Variants in MORN3 observed in about 807,000 individuals in gnomAD.
MORN3 encodes the protein MORN repeat-containing protein 3.
A neutral mutation model predicts 34.7 loss-of-function variants in MORN3; 38 were observed. The observed-to-expected ratio is 1.10, with a 90% confidence interval of 0.85 to 1.44. The LOEUF (loss-of-function observed/expected upper bound fraction) is 1.44. Among genes scored for constraint, MORN3 ranks in the 40% most tolerant of loss-of-function variants. MORN3 has a pLI of 0.00. For missense variants in MORN3, 311 were observed against 321.7 expected (o/e 0.97, Z 0.25); for synonymous variants, 109 against 115.3 (o/e 0.95, Z 0.35).
Position 121,659,287 on chromosome 12 carries a change from C to T in MORN3, c.207G>A (p.Gly69=). 2 of 1,614,098 alleles carry T rather than the reference C, an allele frequency of 1.2e-6. No individual in the cohort carries two copies. The highest frequency in any genetic ancestry group is 1.6e-4 in the Middle Eastern group (1 of 6,062). ...GAIYEGDWKF[G]KRDGYGTLSL... is the part of the protein sequence containing the mutation. The stretch of plus-strand genomic sequence containing the variant: ...TGAGGGTGCCGTAGCCGTCTCGCTT[C>T]CCAAACTTCCAGTCCCCCTCATAGA... Residue 69 remains glycine (G), a synonymous_variant, in exon 2 of 6, where the codon GGG becomes GGA. Transcript: ENST00000355329.
At position 121,659,221 on chromosome 12, in the gene MORN3, G is replaced by A. The variant is rs1330882611; in HGVS notation, c.273C>T (p.Tyr91=). The change falls in exon 2 of 6, where the codon TAC becomes TAT. Residue 91 remains tyrosine, a synonymous_variant. Transcript: ENST00000355329. ...DQQTGKCRRV[Y]SGWWKGDKKS... ...TCTTATCACCTTTCCACCAGCCTGA[G>A]TAGACTCTCCTGCACTTTCCTGTCT... The A allele has an allele frequency of 1.2e-6, 2 of 1,613,736 alleles. No homozygotes were observed. The highest frequency in any genetic ancestry group is 1.7e-6 in the Non-Finnish European group (2 of 1,179,964).
At chr12:121,670,755 G>A (rs1387828639), upstream of MORN3, among the ~76,000 whole-genome samples, 1 of 151,556 alleles carries the variant, frequency 6.6e-6, no homozygotes, top group Non-Finnish European at 1.5e-5. Flanking sequence ...GTTGCAGTGA[G>A]CCGAGATTGC....
At chr12:121,653,991 A>G (rs1482924563) in intron 3 of MORN3, among the ~76,000 whole-genome samples, 1 of 151,486 alleles carries the variant, frequency 6.6e-6, no homozygotes, top group African/African-American at 2.4e-5. Context: ...ACACCCACTA[A>G]TGTCACCACC....
At chr12:121,665,422 C>G (rs1244835354) in intron 1 of MORN3, among the ~76,000 whole-genome samples, 1 of 149,272 alleles carries the variant, frequency 6.7e-6, no homozygotes, top group Non-Finnish European at 1.5e-5. Flanking sequence ...TCCTCAGTAG[C>G]TGGGACTACA....
rs1893198986 is a variant in MORN3 at position 121,649,331 on chromosome 12, C to G, written c.*2320G>C. On this transcript the variant is annotated 3_prime_UTR_variant, in exon 6 of 6. Coordinates refer to ENST00000355329, the MANE Select transcript of MORN3 (RefSeq NM_173855.5). The stretch of plus-strand genomic sequence containing the variant: ...GACCTAAGTTTAAGCACAGTACTAG[C>G]TTGATGACTTGTGATCCTCCCTGAA... 1 of 152,196 alleles carries G rather than the reference C, an allele frequency of 6.6e-6. No individual in the cohort carries two copies. Among genetic ancestry groups the G allele is most frequent in the African/African-American group, 2.4e-5 (1 of 41,436 alleles). The allele number at this position is 152,196 out of a possible 1,614,324, so 9.4% of individuals were successfully genotyped here. A position where few individuals can be genotyped will look rare whatever the true frequency, so the allele number is the denominator to read the frequency against.
chr12:121,663,855 T>C (rs377710863), intron 1 of MORN3, among the ~76,000 whole-genome samples: 41 of 152,242 alleles, frequency 2.7e-4, no homozygotes, highest in South Asian at 1.2e-3. Context: ...CCAACCACAT[T>C]GTAGGGGCTG....
intron 2 of MORN3, 116 bp downstream of exon 2, chr12:121,659,075 C>G: frequency 7.2e-7 from 1 of 1,391,988 alleles, no homozygotes; most frequent in East Asian, 2.4e-5. Context: ...GTCCTCCTCC[C>G]TGTAGACCTC....
At chr12:121,660,180 G>T (rs1893535530) in intron 1 of MORN3, among the ~76,000 whole-genome samples, 1 of 141,586 alleles carries the variant, frequency 7.1e-6, no homozygotes, top group South Asian at 2.1e-4. Flanking sequence ...GTTGCAGTGA[G>T]CCGAGATGAC....
chr12:121,663,316 A>G (rs1893642573), intron 1 of MORN3, among the ~76,000 whole-genome samples: 1 of 151,088 alleles, frequency 6.6e-6, no homozygotes, highest in Non-Finnish European at 1.5e-5. Context: ...CTCCTGTCTC[A>G]GCCTCCTGAG....
chr12:121,652,600 C>G (rs1372899695), intron 5 of MORN3, 128 bp downstream of exon 5: 4 of 767,838 alleles, frequency 5.2e-6, no homozygotes, highest in Non-Finnish European at 4.4e-6. Flanking sequence ...GAAGCCTGCC[C>G]TCGATGGTCT....
chr12:121,659,090 C>G, intron 2 of MORN3, 101 bp downstream of exon 2: 1 of 1,480,600 alleles, frequency 6.8e-7, no homozygotes, highest in African/African-American at 1.4e-5. Context: ...GACCTCCCCT[C>G]TCTTTTCTCC....
chr12:121,664,893 T>A (rs1217488831), intron 1 of MORN3, among the ~76,000 whole-genome samples: 1 of 136,470 alleles, frequency 7.3e-6, no homozygotes, highest in Non-Finnish European at 1.5e-5. Flanking sequence ...AAAAAGACAC[T>A]GATGGATGCT....
rs566839152 is a variant in MORN3 at position 121,649,862 on chromosome 12, CT to C, written c.*1788del. On this transcript the variant is annotated 3_prime_UTR_variant, in exon 6 of 6. Transcript: ENST00000355329. ...TAGTTGGGATTACAGGTGCTGAATT[CT>C]TTTTTTTTTTTTTTTTTGTAGCATG... The C allele has an allele frequency of 3.6e-3, 432 of 120,908 alleles. 1 individual carries two copies. Among genetic ancestry groups the C allele is most frequent in the Admixed American group, 6.4e-3 (74 of 11,494 alleles). 7.5% of individuals were successfully genotyped at this position (120,908 alleles called of 1,614,324 possible). A position where few individuals can be genotyped will look rare whatever the true frequency, so the allele number is the denominator to read the frequency against.
At chr12:121,660,054 C>T (rs1054608340) in intron 1 of MORN3, among the ~76,000 whole-genome samples, 2 of 151,132 alleles carry the variant, frequency 1.3e-5, no homozygotes, top group Non-Finnish European at 2.9e-5. Flanking sequence ...ACCAAAATGG[C>T]GAAACCCTGT....
chr12:121,653,463 G>A (rs1307991465), intron 3 of MORN3, among the ~76,000 whole-genome samples: 1 of 151,826 alleles, frequency 6.6e-6, no homozygotes, highest in Admixed American at 6.6e-5. Flanking sequence ...TAATTAGCTG[G>A]GCATAGTGGT....
At chr12:121,660,535 G>A (rs1429890875) in intron 1 of MORN3, among the ~76,000 whole-genome samples, 12 of 151,364 alleles carry the variant, frequency 7.9e-5, no homozygotes, top group Non-Finnish European at 1.5e-5. Flanking sequence ...ATTTTTAGTA[G>A]AGACGGGGTT....
At chr12:121,670,429 C>T (rs1476645411), upstream of MORN3, among the ~76,000 whole-genome samples, 2 of 152,084 alleles carry the variant, frequency 1.3e-5, no homozygotes, top group East Asian at 1.9e-4. Context: ...TGCCGCTGCA[C>T]GCCAGCTTGG....
chr12:121,649,026 A>G lies in MORN3; in HGVS notation c.*2625T>C, dbSNP rs1390250326. 1 of 150,222 alleles carries G rather than the reference A, an allele frequency of 6.7e-6. No individual in the cohort carries two copies. The highest frequency in any genetic ancestry group is 1.5e-5 in the Non-Finnish European group (1 of 67,692). 9.3% of individuals were successfully genotyped at this position (150,222 alleles called of 1,614,324 possible). ...CGGCTCGGCGTGATCTTGGCTCACC[A>G]CTACCTCCGCCTCCTGGGTTCAAGT... On this transcript the variant is annotated 3_prime_UTR_variant, in exon 6 of 6. Coordinates refer to ENST00000355329, the MANE Select transcript of MORN3 (RefSeq NM_173855.5).
chr12:121,666,946 C>T (rs1189316410), intron 1 of MORN3, among the ~76,000 whole-genome samples: 1 of 148,176 alleles, frequency 6.7e-6, no homozygotes, highest in Non-Finnish European at 1.5e-5. Context: ...CTTTAACCCA[C>T]AACCTCTTTT....
Sources: gnomAD v4.1 joint callset for allele counts (sites outside exome capture counted in the v4.1 genomes callset) on GRCh38, gnomAD v4.1.1 for gene constraint, MANE v1.5 for transcripts, NCBI Gene and HGNC (gene_info 2026-07-23, HGNC 2026-07-21) for gene names.